Variants in CNTN3 observed in about 807,000 individuals in gnomAD.
CNTN3 encodes contactin 3.
In CNTN3, 60 loss-of-function variants were observed where a neutral mutation model predicts 119.1. The ratio of observed to expected loss-of-function variants is 0.50; its 90% CI spans 0.41 to 0.62. CNTN3 has a LOEUF of 0.62. Ranked by LOEUF, CNTN3 falls within the 20% of genes least tolerant of loss-of-function variation. The pLI is 0.00. For synonymous variants in CNTN3, 450 were observed against 438.7 expected (o/e 1.03, Z -0.32); for missense variants, 1,101 against 1,242.4 (o/e 0.89, Z 1.71).
intron 1 of CNTN3, among the ~76,000 whole-genome samples, chr3:74,603,837 C>T (rs1459545442): frequency 6.6e-6 from 1 of 151,920 alleles, no homozygotes; most frequent in Non-Finnish European, 1.5e-5. Context: ...TATATGGAAT[C>T]ACAAAAGACC....
chr3:74,271,043 A>G (rs1347270278), intron 20 of CNTN3, among the ~76,000 whole-genome samples: 2 of 152,212 alleles, frequency 1.3e-5, no homozygotes, highest in East Asian at 3.9e-4. Context: ...AGCATCCATC[A>G]TGATCCTCTG....
chr3:74,609,343 C>T (rs1160643642), intron 1 of CNTN3, among the ~76,000 whole-genome samples: 2 of 152,172 alleles, frequency 1.3e-5, no homozygotes, highest in Non-Finnish European at 1.5e-5. Flanking sequence ...AGGAGAAAGT[C>T]ATTTCTTAAT....
chr3:74,519,423 T>G lies in CNTN3; in HGVS notation c.55+1635A>C, dbSNP rs184803748. Among the ~76,000 whole-genome samples the G allele has an allele frequency of 3.8e-3, 576 of 151,916 alleles. 2 individuals are homozygous for G. The highest frequency in any genetic ancestry group is 0.012 in the African/African-American group (516 of 41,512). The stretch of plus-strand genomic sequence containing the variant: ...AAAATGCTGAAACACAATACAAATT[T>G]CACATAATGTAAAATTACAACTAAA... On this transcript the variant is annotated intron_variant, in intron 2 of 22. Coordinates refer to ENST00000263665, the MANE Select transcript of CNTN3 (RefSeq NM_020872.3).
At chr3:74,266,073 C>A (rs1166546607) in intron 22 of CNTN3, among the ~76,000 whole-genome samples, 1 of 151,992 alleles carries the variant, frequency 6.6e-6, no homozygotes, top group Non-Finnish European at 1.5e-5. Context: ...AGGACTTTGA[C>A]AATGTTAATC....
chr3:74,551,426 T>C (rs1703988391), intron 1 of CNTN3, among the ~76,000 whole-genome samples: 1 of 152,000 alleles, frequency 6.6e-6, no homozygotes, highest in African/African-American at 2.4e-5. Context: ...AGTATCAATA[T>C]CCCCAACCAG....
chr3:74,478,614 A>C (rs1245969554), intron 4 of CNTN3, among the ~76,000 whole-genome samples: 19 of 152,140 alleles, frequency 1.2e-4, no homozygotes, highest in Non-Finnish European at 1.9e-4. Context: ...AAGAGGTAAT[A>C]ATGAGGTGAG....
intron 5 of CNTN3, among the ~76,000 whole-genome samples, chr3:74,393,222 AT>A (rs1242877012): frequency 6.6e-6 from 1 of 151,970 alleles, no homozygotes; most frequent in African/African-American, 2.4e-5. Context: ...TATGTGAGAT[AT>A]TTTTTTTCTT....
chr3:74,524,197 A>T (rs1370032899), intron 1 of CNTN3, among the ~76,000 whole-genome samples: 1 of 151,946 alleles, frequency 6.6e-6, no homozygotes, highest in African/African-American at 2.4e-5. Context: ...TTTAAAACAT[A>T]TAAATGTGTT....
intron 3 of CNTN3, among the ~76,000 whole-genome samples, chr3:74,495,851 A>G (rs955136808): frequency 2.0e-5 from 3 of 152,062 alleles, no homozygotes; most frequent in African/African-American, 7.2e-5. Context: ...CTTACACTCT[A>G]TTAAAATTGT....
intron 5 of CNTN3, among the ~76,000 whole-genome samples, chr3:74,416,474 AG>A (rs1298170706): frequency 6.6e-6 from 1 of 152,146 alleles, no homozygotes; most frequent in Non-Finnish European, 1.5e-5. Flanking sequence ...GAACTCAAGC[AG>A]TCTAGCTCTA....
intron 5 of CNTN3, among the ~76,000 whole-genome samples, chr3:74,392,724 A>G (rs1444362493): frequency 4.6e-5 from 7 of 152,208 alleles, no homozygotes; most frequent in African/African-American, 1.4e-4. Flanking sequence ...TTGGTGCTAC[A>G]AAAAGAGTAT....
intron 4 of CNTN3, among the ~76,000 whole-genome samples, chr3:74,437,006 G>A (rs565751075): frequency 6.6e-6 from 1 of 152,020 alleles, no homozygotes; most frequent in Non-Finnish European, 1.5e-5. Flanking sequence ...CTTGTTTATG[G>A]TATCTATATA....
At chr3:74,270,530 G>T (rs1481994730) in intron 20 of CNTN3, among the ~76,000 whole-genome samples, 1 of 152,130 alleles carries the variant, frequency 6.6e-6, no homozygotes, top group African/African-American at 2.4e-5. Context: ...GGGATTTGAG[G>T]TGCCTCAGCC....
At chr3:74,411,003 AGAG>A (rs1701429502) in intron 5 of CNTN3, among the ~76,000 whole-genome samples, 1 of 152,060 alleles carries the variant, frequency 6.6e-6, no homozygotes, top group East Asian at 1.9e-4. Context: ...TGATAAAATA[AGAG>A]GAGAGACTCC....
chr3:74,371,429 T>C, intron 5 of CNTN3, 30 bp from the exon 6 acceptor site: 2 of 1,531,028 alleles, frequency 1.3e-6, no homozygotes, highest in Non-Finnish European at 1.8e-6. Flanking sequence ...GAGAAAGAAA[T>C]TCCATCATTA....
intron 11 of CNTN3, among the ~76,000 whole-genome samples, chr3:74,340,168 C>G (rs943575215): frequency 6.6e-6 from 1 of 152,054 alleles, no homozygotes; most frequent in African/African-American, 2.4e-5. Context: ...AGGTTGTATG[C>G]AAAAGCCAAG....
At chr3:74,321,786 C>T (rs1049898728) in intron 13 of CNTN3, among the ~76,000 whole-genome samples, 1 of 152,004 alleles carries the variant, frequency 6.6e-6, no homozygotes, top group African/African-American at 2.4e-5. Flanking sequence ...AATTTGAGAA[C>T]CTAGATGAAA....
intron 2 of CNTN3, among the ~76,000 whole-genome samples, chr3:74,512,489 A>G (rs1703383524): frequency 6.6e-6 from 1 of 152,218 alleles, no homozygotes; most frequent in East Asian, 1.9e-4. Context: ...GCAAGTATTT[A>G]CTTTCTACCC....
rs369838448 is a variant in CNTN3 at position 74,392,037 on chromosome 3, G to C, written c.455-20638C>G. The stretch of plus-strand genomic sequence containing the variant: ...TGATGTGACTTTGCTTAGATAACTA[G>C]AGATAGGCCCTGAGATGGGGGAAAA... On this transcript the variant is annotated intron_variant, in intron 5 of 22. Coordinates refer to ENST00000263665, the MANE Select transcript of CNTN3 (RefSeq NM_020872.3). 5.3e-5 allele frequency among the ~76,000 whole-genome samples: 8 copies of C among 152,152 alleles called. No homozygotes were observed. In the East Asian group the frequency reaches 1.4e-3, roughly 26 times the overall value.
Sources: gnomAD v4.1 joint callset for allele counts (sites outside exome capture counted in the v4.1 genomes callset) on GRCh38, gnomAD v4.1.1 for gene constraint, MANE v1.5 for transcripts, NCBI Gene and HGNC (gene_info 2026-07-23, HGNC 2026-07-21) for gene names.